SLC8A3: variants seen among roughly 807,000 people sequenced by gnomAD.
SLC8A3 encodes sodium/calcium exchanger 3.
A neutral mutation model predicts 65.4 loss-of-function variants in SLC8A3; 37 were observed. The observed-to-expected ratio is 0.57, with a 90% CI of 0.44 to 0.74. SLC8A3 has a LOEUF of 0.74. Ranked by LOEUF, SLC8A3 falls within the 30% of genes least tolerant of loss-of-function variation. The pLI, the probability that SLC8A3 is intolerant of heterozygous loss-of-function variation, is 0.00. For synonymous variants in SLC8A3, 461 were observed against 444.5 expected (o/e 1.04, Z -0.47); for missense variants, 1,112 against 1,172.1 (o/e 0.95, Z 0.75).
Position 70,083,253 on chromosome 14 carries a change from A to G in SLC8A3, c.1785-22314T>C, listed in dbSNP as rs180704896. ...TTCTGATGAGATTTATCATCTCCGG[A>G]GAGCTCTTTACAGTGGACAAAATGC... On this transcript the variant is annotated intron_variant, in intron 2 of 6. Coordinates refer to ENST00000356921, the MANE Select transcript of SLC8A3 (RefSeq NM_182932.3). Among the ~76,000 whole-genome samples, 237 of 152,294 alleles carry G rather than the reference A, an allele frequency of 1.6e-3. 1 individual carries two copies. Among genetic ancestry groups the G allele is most frequent in the Admixed American group, 2.6e-3 (40 of 15,302 alleles).
Position 70,179,125 on chromosome 14 carries a change from A to G in SLC8A3, c.-63+9254T>C, listed in dbSNP as rs148789132. The stretch of plus-strand genomic sequence containing the variant: ...TGCATCTACTGTTCTCTCTACTTGA[A>G]ACAACCTTACCCTAAATATCCACAT... On this transcript the variant is annotated intron_variant, in intron 1 of 6. Transcript: ENST00000356921. 6.0e-3 allele frequency among the ~76,000 whole-genome samples: 910 copies of G among 152,286 alleles called. 10 individuals carry two copies. Among genetic ancestry groups the G allele is most frequent in the African/African-American group, 0.021 (869 of 41,552 alleles).
chr14:70,090,228 A>G (rs1891715201), intron 2 of SLC8A3, among the ~76,000 whole-genome samples: 1 of 152,186 alleles, frequency 6.6e-6, no homozygotes, highest in Non-Finnish European at 1.5e-5. Context: ...TGCATGTTTT[A>G]CCAGAAATAT....
chr14:70,130,400 A>G (rs887572985), intron 2 of SLC8A3, among the ~76,000 whole-genome samples: 17 of 152,188 alleles, frequency 1.1e-4, no homozygotes, highest in African/African-American at 4.1e-4. Flanking sequence ...TGTCCTGTGC[A>G]TGCACGTGTG....
chr14:70,075,508 TTGCCTTC>T (rs756448201), intron 2 of SLC8A3, among the ~76,000 whole-genome samples: 8 of 152,200 alleles, frequency 5.3e-5, no homozygotes, highest in Non-Finnish European at 8.8e-5. Context: ...GCCTTCACTT[TTGCCTTC>T]TGCCTTCTGC....
At chr14:70,165,752 A>G (rs1466315170) in intron 2 of SLC8A3, among the ~76,000 whole-genome samples, 1 of 152,194 alleles carries the variant, frequency 6.6e-6, no homozygotes, top group Non-Finnish European at 1.5e-5. Flanking sequence ...AGGTGACAGA[A>G]GTGTAATACC....
At position 70,045,939 on chromosome 14, in the gene SLC8A3, T is replaced by C. The variant is rs1406628053; in HGVS notation, c.*8A>G. Reference sequence around the variant, plus strand: ...AGGCCTGCCCTGCTGGAGGCTCTGTTGTGTGGCTTAGAACCCCTTGATGTA... The same window carrying C: ...AGGCCTGCCCTGCTGGAGGCTCTGTCGTGTGGCTTAGAACCCCTTGATGTA... On this transcript the variant is annotated 3_prime_UTR_variant, in exon 7 of 7. Transcript: ENST00000356921. 6.3e-7 allele frequency: 1 copy of C among 1,575,828 alleles called. No individual in the cohort carries two copies. Among genetic ancestry groups the C allele is most frequent in the Non-Finnish European group, 8.6e-7 (1 of 1,157,192 alleles).
chr14:70,181,838 G>A (rs1882775691), intron 1 of SLC8A3, among the ~76,000 whole-genome samples: 1 of 152,184 alleles, frequency 6.6e-6, no homozygotes, highest in Admixed American at 6.5e-5. Context: ...TGATGAAAAT[G>A]AATTGAAAGA....
intron 2 of SLC8A3, among the ~76,000 whole-genome samples, chr14:70,156,103 G>T (rs1464689099): frequency 6.6e-6 from 1 of 152,198 alleles, no homozygotes; most frequent in Admixed American, 6.5e-5. Context: ...GGCCTGCGGT[G>T]GGGAGCTGGC....
chr14:70,179,222 T>C (rs1882511844), intron 1 of SLC8A3, among the ~76,000 whole-genome samples: 1 of 152,218 alleles, frequency 6.6e-6, no homozygotes, highest in Non-Finnish European at 1.5e-5. Context: ...CCATCTTATC[T>C]AAAGGCAATC....
At chr14:70,118,311 T>C (rs1893797137) in intron 2 of SLC8A3, among the ~76,000 whole-genome samples, 2 of 152,204 alleles carry the variant, frequency 1.3e-5, no homozygotes, top group Admixed American at 6.5e-5. Context: ...TGCTCCTGCT[T>C]TATACCCTGT....
In SLC8A3 at chr14:70,150,206, T is replaced by C. The variant is rs560089904; in HGVS notation, c.1784+16433A>G. ...AGACTAGGCACTATGCTAAACGTTT[T>C]ATATTGCATAATTGTATTCAATCCT... On this transcript the variant is annotated intron_variant, in intron 2 of 6. Coordinates refer to ENST00000356921, the MANE Select transcript of SLC8A3 (RefSeq NM_182932.3). Among the ~76,000 whole-genome samples, 10 of 152,326 alleles carry C rather than the reference T, an allele frequency of 6.6e-5. 1 individual carries two copies. In the East Asian group the frequency reaches 1.2e-3, roughly 18 times the overall value.
intron 2 of SLC8A3, among the ~76,000 whole-genome samples, chr14:70,091,020 G>A (rs1221948524): frequency 6.6e-6 from 1 of 152,186 alleles, no homozygotes; most frequent in Admixed American, 6.5e-5. Flanking sequence ...TGGACTAAGA[G>A]CTAAAGATCA....
intron 5 of SLC8A3, among the ~76,000 whole-genome samples, 184 bp from the exon 6 acceptor site, chr14:70,049,226 C>T (rs1887176126): frequency 6.6e-6 from 1 of 152,178 alleles, no homozygotes; most frequent in Non-Finnish European, 1.5e-5. Flanking sequence ...TTTGGGCTGC[C>T]TCATAGGTCA....
intron 2 of SLC8A3, among the ~76,000 whole-genome samples, chr14:70,118,728 G>T (rs1893832762): frequency 6.6e-6 from 1 of 152,140 alleles, no homozygotes; most frequent in East Asian, 1.9e-4. Context: ...AGCATCTCCT[G>T]TTTCCAAGTT....
At chr14:70,162,253 C>G (rs1294220496) in intron 2 of SLC8A3, among the ~76,000 whole-genome samples, 3 of 152,166 alleles carry the variant, frequency 2.0e-5, no homozygotes, top group African/African-American at 7.2e-5. Context: ...TGGGAAAGGG[C>G]AGAGAGAACA....
rs181447489 is a variant in SLC8A3, at chr14:70,171,092, C to A, written c.-62-2608G>T. On this transcript the variant is annotated intron_variant, in intron 1 of 6. Transcript: ENST00000356921. ...CTCTTTACTTTGACCTCTGAAAACCCTGACACTTTGTGGATTCCAATGAGC... is the reference window on the plus strand; with the variant it reads ...CTCTTTACTTTGACCTCTGAAAACCATGACACTTTGTGGATTCCAATGAGC... 2.3e-3 allele frequency among the ~76,000 whole-genome samples: 344 copies of A among 152,326 alleles called. 1 individual carries two copies. The Middle Eastern group carries it at 0.027, about 12-fold the overall frequency.
intron 2 of SLC8A3, among the ~76,000 whole-genome samples, chr14:70,129,454 TA>T (rs1012804032): frequency 1.3e-5 from 2 of 152,202 alleles, no homozygotes; most frequent in Admixed American, 1.3e-4. Context: ...AGCAATCCTA[TA>T]GGGGTGTCAT....
chr14:70,136,323 A>G (rs1895197935), intron 2 of SLC8A3, among the ~76,000 whole-genome samples: 1 of 152,174 alleles, frequency 6.6e-6, no homozygotes, highest in Non-Finnish European at 1.5e-5. Context: ...CAGAACTGTG[A>G]GGCAATACAT....
intron 2 of SLC8A3, among the ~76,000 whole-genome samples, chr14:70,119,737 A>G (rs1199268580): frequency 6.6e-6 from 1 of 152,224 alleles, no homozygotes; most frequent in Admixed American, 6.5e-5. Flanking sequence ...TCTACCATCA[A>G]CTTTTTCATC....
Sources: gnomAD v4.1 joint callset for allele counts (sites outside exome capture counted in the v4.1 genomes callset) on GRCh38, gnomAD v4.1.1 for gene constraint, MANE v1.5 for transcripts, NCBI Gene and HGNC (gene_info 2026-07-23, HGNC 2026-07-21) for gene names.